The following GRIA4 variants were observed in gnomAD, a reference collection of about 807,000 sequenced individuals.
GRIA4 encodes the protein glutamate receptor 4.
In GRIA4, 34 loss-of-function variants were observed where a neutral mutation model predicts 104.0. The ratio of observed to expected loss-of-function variants is 0.33; its 90% confidence interval spans 0.25 to 0.44. The LOEUF (loss-of-function observed/expected upper bound fraction) is 0.44. Among genes scored for constraint, GRIA4 ranks in the 20% least tolerant of loss-of-function variants. The pLI is 1.00. For synonymous variants in GRIA4, 386 were observed against 381.9 expected (o/e 1.01, Z -0.13); for missense variants, 750 against 1,096.5 (o/e 0.68, Z 4.46).
chr11:105,783,652 C>T (rs1479604467), intron 4 of GRIA4, among the ~76,000 whole-genome samples: 2 of 152,114 alleles, frequency 1.3e-5, no homozygotes, highest in African/African-American at 2.4e-5. Context: ...ATTTTTCACT[C>T]ACAGACAGTA....
At chr11:105,634,474 AAAGAAAGAAAGAAAG>A (rs1951137150) in intron 3 of GRIA4, among the ~76,000 whole-genome samples, 1 of 50,592 alleles carries the variant, frequency 2.0e-5, no homozygotes, top group African/African-American at 5.7e-5. Context: ...AAAGGGAAAG[AAAGAAAGAAAGAAAG>A]AAAGAAAGAA....
chr11:105,874,010 G>C (rs187039794), intron 5 of GRIA4, among the ~76,000 whole-genome samples: 94 of 152,240 alleles, frequency 6.2e-4, no homozygotes, highest in Non-Finnish European at 9.4e-4. Flanking sequence ...GTCCTGAATG[G>C]TATTGCCTAG....
At chr11:105,665,018 T>A (rs192287524) in intron 3 of GRIA4, among the ~76,000 whole-genome samples, 204 of 152,156 alleles carry the variant, frequency 1.3e-3, no homozygotes, top group African/African-American at 4.4e-3. Flanking sequence ...ATTTGGGAGA[T>A]AATTCTAAAT....
At chr11:105,638,650 T>G (rs765889712) in intron 3 of GRIA4, among the ~76,000 whole-genome samples, 3 of 152,076 alleles carry the variant, frequency 2.0e-5, no homozygotes, top group Non-Finnish European at 2.9e-5. Flanking sequence ...CATTTTTTAT[T>G]AAAAATCACT....
chr11:105,659,919 G>T (rs1258133928), intron 3 of GRIA4, among the ~76,000 whole-genome samples: 1 of 151,344 alleles, frequency 6.6e-6, no homozygotes, highest in Non-Finnish European at 1.5e-5. Flanking sequence ...ATCAAACAAG[G>T]TCATGATAAT....
chr11:105,920,011 G>T (rs371968968), intron 11 of GRIA4, among the ~76,000 whole-genome samples: 2 of 152,024 alleles, frequency 1.3e-5, no homozygotes, highest in East Asian at 3.9e-4. Context: ...AATTCAGAAG[G>T]CAAAACTGCC....
intron 3 of GRIA4, among the ~76,000 whole-genome samples, chr11:105,677,050 A>T (rs746796791): frequency 4.0e-5 from 6 of 151,896 alleles, no homozygotes; most frequent in Non-Finnish European, 8.8e-5. Flanking sequence ...TAAAGTACAA[A>T]AGTAGCCCTA....
chr11:105,831,519 T>C (rs929320277), intron 4 of GRIA4, among the ~76,000 whole-genome samples: 4 of 152,046 alleles, frequency 2.6e-5, no homozygotes, highest in African/African-American at 4.8e-5. Context: ...CTCATTTGTA[T>C]GCAGTGTTAA....
intron 4 of GRIA4, among the ~76,000 whole-genome samples, chr11:105,780,542 G>T (rs572557007): frequency 2.0e-5 from 3 of 151,880 alleles, no homozygotes; most frequent in African/African-American, 7.2e-5. Flanking sequence ...TCATTTTTAG[G>T]TATTGTATAC....
chr11:105,734,471 A>G (rs1469144960), intron 3 of GRIA4, among the ~76,000 whole-genome samples: 2 of 152,120 alleles, frequency 1.3e-5, no homozygotes, highest in South Asian at 2.1e-4. Flanking sequence ...TTACAGTTCC[A>G]TTTAATTAAT....
intron 4 of GRIA4, among the ~76,000 whole-genome samples, chr11:105,760,787 A>C (rs2135715494): frequency 6.6e-6 from 1 of 152,116 alleles, no homozygotes; most frequent in African/African-American, 2.4e-5. Context: ...ATTGTTGTGA[A>C]GTACTCAATG....
In GRIA4 at chr11:105,686,686, C is replaced by T. The variant is rs138598779; in HGVS notation, c.248-66295C>T. Among the ~76,000 whole-genome samples the T allele has an allele frequency of 8.0e-3, 1,218 of 152,276 alleles. 31 individuals are homozygous for T. The highest frequency in any genetic ancestry group is 0.028 in the African/African-American group (1,158 of 41,564). On this transcript the variant is annotated intron_variant, in intron 3 of 16. Transcript: ENST00000282499. ...CAGTGACTGAACTAATTTACATTCC[C>T]ACCAACAGTATATAAGCATTCTCTT...
intron 3 of GRIA4, among the ~76,000 whole-genome samples, chr11:105,739,349 T>A (rs1285193309): frequency 1.3e-5 from 2 of 152,242 alleles, no homozygotes; most frequent in African/African-American, 4.8e-5. Flanking sequence ...TCAGATGTCA[T>A]AAAACTAAAG....
intron 14 of GRIA4, among the ~76,000 whole-genome samples, chr11:105,935,305 G>A (rs1413396745): frequency 6.6e-6 from 1 of 152,158 alleles, no homozygotes; most frequent in Admixed American, 6.6e-5. Flanking sequence ...GTTATGGACT[G>A]TGGCAATTCT....
intron 6 of GRIA4, among the ~76,000 whole-genome samples, chr11:105,889,064 G>A (rs562389172): frequency 9.9e-5 from 15 of 152,142 alleles, no homozygotes; most frequent in East Asian, 1.9e-4. Flanking sequence ...TAGCAAATAG[G>A]TTTTGTCATC....
chr11:105,651,927 A>G (rs148904616), intron 3 of GRIA4, among the ~76,000 whole-genome samples: 103 of 152,198 alleles, frequency 6.8e-4, no homozygotes, highest in African/African-American at 2.3e-3. Context: ...AATACAAAGT[A>G]ATGCATTTTA....
intron 3 of GRIA4, among the ~76,000 whole-genome samples, chr11:105,630,254 C>CATAAA (rs1950998199): frequency 6.6e-6 from 1 of 152,152 alleles, no homozygotes; most frequent in Non-Finnish European, 1.5e-5. Context: ...CAATGCCTGG[C>CATAAA]TTATAATAGC....
intron 9 of GRIA4, among the ~76,000 whole-genome samples, chr11:105,907,555 T>C (rs1367773312): frequency 6.6e-6 from 1 of 152,096 alleles, no homozygotes; most frequent in Non-Finnish European, 1.5e-5. Context: ...ATAGAGAGTC[T>C]CATTAAGCAG....
chr11:105,636,502 C>A (rs1341809669), intron 3 of GRIA4, among the ~76,000 whole-genome samples: 1 of 152,140 alleles, frequency 6.6e-6, no homozygotes, highest in African/African-American at 2.4e-5. Context: ...TTATCATTTT[C>A]TTTTCTCCAT....
Sources: allele counts gnomAD v4.1 joint callset (sites outside exome capture counted in the v4.1 genomes callset), GRCh38; gene constraint gnomAD v4.1.1; transcripts MANE v1.5; gene names NCBI Gene and HGNC (gene_info 2026-07-23, HGNC 2026-07-21).